GRM8: variants seen among roughly 807,000 people sequenced by gnomAD.
GRM8 encodes glutamate metabotropic receptor 8, also known as metabotropic glutamate receptor 8.
GRM8 carries 47 observed loss-of-function variants against 87.2 expected under a neutral mutation model. That is an observed-to-expected ratio of 0.54 (90% CI 0.43 to 0.69). The LOEUF is 0.69. Ranked by LOEUF, GRM8 falls within the 30% of genes least tolerant of loss-of-function variation. The pLI is 0.00. For missense variants in GRM8, 1,019 were observed against 1,139.2 expected (o/e 0.89, Z 1.52); for synonymous variants, 396 against 404.5 (o/e 0.98, Z 0.25).
At chr7:126,747,743 A>G (rs1585764741) in intron 7 of GRM8, among the ~76,000 whole-genome samples, 1 of 151,972 alleles carries the variant, frequency 6.6e-6, no homozygotes, top group East Asian at 1.9e-4. Context: ...TACTATGGAT[A>G]CTTTTTCTTT....
At chr7:126,653,001 G>T (rs1804086288) in intron 7 of GRM8, among the ~76,000 whole-genome samples, 1 of 151,778 alleles carries the variant, frequency 6.6e-6, no homozygotes, top group Non-Finnish European at 1.5e-5. Flanking sequence ...AATAAAATAG[G>T]GATCTCCCTA....
At chr7:126,464,870 TGTA>T (rs1804312304) in intron 9 of GRM8, among the ~76,000 whole-genome samples, 1 of 151,760 alleles carries the variant, frequency 6.6e-6, no homozygotes, top group Non-Finnish European at 1.5e-5. Context: ...GAAAAGTTGT[TGTA>T]GTTGTTATTT....
intron 6 of GRM8, among the ~76,000 whole-genome samples, chr7:126,879,585 A>G (rs1443878466): frequency 6.6e-6 from 1 of 152,116 alleles, no homozygotes; most frequent in Non-Finnish European, 1.5e-5. Context: ...TTTTATGGCT[A>G]TATTTTTTCC....
chr7:126,549,696 G>C (rs980073423), intron 8 of GRM8, among the ~76,000 whole-genome samples: 2 of 152,094 alleles, frequency 1.3e-5, no homozygotes, highest in Non-Finnish European at 2.9e-5. Flanking sequence ...GAGGACTAGA[G>C]AGAAACTCTC....
rs558289291 is a variant in GRM8 at position 126,708,150 on chromosome 7, C to T, written c.1357+61715G>A. 2.0e-5 allele frequency among the ~76,000 whole-genome samples: 3 copies of T among 152,102 alleles called. No individual in the cohort carries two copies. In the South Asian group the frequency reaches 6.2e-4, roughly 32 times the overall value. ...TGAAAAAATGTTCAACATCACTAATCCTCAGAGAAATACAAATTAAAATCA... is the reference window on the plus strand; with the variant it reads ...TGAAAAAATGTTCAACATCACTAATTCTCAGAGAAATACAAATTAAAATCA... On this transcript the variant is annotated intron_variant, in intron 7 of 10. Coordinates refer to ENST00000339582, the MANE Select transcript of GRM8 (RefSeq NM_000845.3).
intron 2 of GRM8, among the ~76,000 whole-genome samples, chr7:127,122,692 T>C (rs1005656416): frequency 6.6e-6 from 1 of 152,082 alleles, no homozygotes; most frequent in Non-Finnish European, 1.5e-5. Context: ...ACTGCAAATG[T>C]AGACATTTTC....
At chr7:126,678,964 A>C (rs989157366) in intron 7 of GRM8, among the ~76,000 whole-genome samples, 2 of 152,190 alleles carry the variant, frequency 1.3e-5, no homozygotes, top group Non-Finnish European at 2.9e-5. Context: ...AAAACATCCC[A>C]CTTGAGTACC....
At position 127,123,364 on chromosome 7, in the gene GRM8, G is replaced by A. The variant is rs116887555; in HGVS notation, c.511-16652C>T. On this transcript the variant is annotated intron_variant, in intron 2 of 10. Coordinates refer to ENST00000339582, the MANE Select transcript of GRM8 (RefSeq NM_000845.3). ...TTGGGTCCTGGGGGGAATCCTTCCT[G>A]AATACGCTAATGCCCTTACAAGGTT... Among the ~76,000 whole-genome samples the A allele has an allele frequency of 5.6e-4, 86 of 152,244 alleles. No individual in the cohort carries two copies. The East Asian group carries it at 0.017, about 29-fold the overall frequency.
At chr7:126,622,576 A>C (rs66633311) in intron 7 of GRM8, among the ~76,000 whole-genome samples, 48,678 of 151,996 alleles carry the variant, frequency 0.32, 8,424 homozygotes, top group East Asian at 0.43. Context: ...CAATCAAAGG[A>C]ATGTCCTCCC....
intron 7 of GRM8, among the ~76,000 whole-genome samples, chr7:126,677,800 G>A (rs1195585659): frequency 1.3e-5 from 2 of 152,110 alleles, no homozygotes; most frequent in Non-Finnish European, 2.9e-5. Flanking sequence ...CCACTATACA[G>A]TTCATCCATG....
chr7:127,068,685 A>G (rs1821375862), intron 3 of GRM8, among the ~76,000 whole-genome samples: 1 of 152,254 alleles, frequency 6.6e-6, no homozygotes, highest in Admixed American at 6.5e-5. Context: ...CTTTTTACCA[A>G]CTACCGACTG....
At chr7:126,740,664 C>CT (rs1345641658) in intron 7 of GRM8, among the ~76,000 whole-genome samples, 1 of 152,112 alleles carries the variant, frequency 6.6e-6, no homozygotes, top group South Asian at 2.1e-4. Flanking sequence ...AAAGAAAACT[C>CT]TATCATTTCT....
chr7:126,769,826 G>A (rs757293116), intron 7 of GRM8, 39 bp downstream of exon 7: 20 of 1,339,318 alleles, frequency 1.5e-5, no homozygotes, highest in Middle Eastern at 1.8e-4. Context: ...ACACCCTGTC[G>A]CTTTTAATGT....
At position 126,631,779 on chromosome 7, in the gene GRM8, CAGA is replaced by C. The variant is rs548717691; in HGVS notation, c.1358-22284_1358-22282del. Among the ~76,000 whole-genome samples the C allele has an allele frequency of 9.2e-5, 14 of 152,098 alleles. No individual in the cohort carries two copies. The South Asian group carries it at 2.7e-3, about 29-fold the overall frequency. The stretch of plus-strand genomic sequence containing the variant: ...CAAACCTGACAAAAACAAGCAATGG[CAGA>C]AGGACTCCCGATTTAATAAATGGTG... On this transcript the variant is annotated intron_variant, in intron 7 of 10. Coordinates refer to ENST00000339582, the MANE Select transcript of GRM8 (RefSeq NM_000845.3).
At chr7:126,793,068 A>T (rs1321896036) in intron 6 of GRM8, among the ~76,000 whole-genome samples, 1 of 152,194 alleles carries the variant, frequency 6.6e-6, no homozygotes, top group Non-Finnish European at 1.5e-5. Context: ...AACAGAAAAG[A>T]GTTGGAAGAA....
At chr7:126,885,997 G>A (rs1478034755) in intron 6 of GRM8, among the ~76,000 whole-genome samples, 1 of 152,098 alleles carries the variant, frequency 6.6e-6, no homozygotes, top group East Asian at 1.9e-4. Context: ...TAAGTAGCCT[G>A]GGGTGATTAT....
chr7:126,646,968 C>T (rs1803175912), intron 7 of GRM8, among the ~76,000 whole-genome samples: 1 of 152,152 alleles, frequency 6.6e-6, no homozygotes, highest in South Asian at 2.1e-4. Flanking sequence ...TTACTTTGAG[C>T]CATCATGATT....
intron 3 of GRM8, among the ~76,000 whole-genome samples, chr7:126,944,044 A>T (rs917445428): frequency 4.6e-5 from 7 of 152,206 alleles, no homozygotes; most frequent in Non-Finnish European, 7.3e-5. Flanking sequence ...TCTATTAACA[A>T]GCAAATAAAG....
intron 6 of GRM8, among the ~76,000 whole-genome samples, chr7:126,854,218 G>A (rs535319979): frequency 1.8e-4 from 27 of 152,172 alleles, no homozygotes; most frequent in Non-Finnish European, 1.9e-4. Flanking sequence ...GTTCCCCTCC[G>A]CCAGTGGAAT....
Sources: allele counts gnomAD v4.1 joint callset (sites outside exome capture counted in the v4.1 genomes callset), GRCh38; gene constraint gnomAD v4.1.1; transcripts MANE v1.5; gene names NCBI Gene and HGNC (gene_info 2026-07-23, HGNC 2026-07-21).